The following LYG2 variants were observed in gnomAD, a reference collection of about 807,000 sequenced individuals.
LYG2 encodes lysozyme g2, also known as lysozyme g-like protein 2.
Under a neutral mutation model 22.4 loss-of-function variants are expected in LYG2, and 25 were observed. The observed-to-expected ratio is 1.12, with a 90% CI of 0.81 to 1.56. The LOEUF is 1.56. Ranked by LOEUF, LYG2 falls within the 40% of genes most tolerant of loss-of-function variation. The pLI is 0.00. For synonymous variants in LYG2, 88 were observed against 97.0 expected (o/e 0.91, Z 0.55); for missense variants, 266 against 269.5 (o/e 0.99, Z 0.09).
At chr2:99,243,781 G>C (rs2952596) in intron 6 of LYG2, 2 of 409,422 alleles carry the variant, frequency 4.9e-6, no homozygotes, top group African/African-American at 4.8e-5. Flanking sequence ...CAATGAATAA[G>C]AACCCCAACA....
chr2:99,258,952 T>C (rs896378808), upstream of LYG2, among the ~76,000 whole-genome samples: 2 of 152,058 alleles, frequency 1.3e-5, no homozygotes, highest in Admixed American at 1.3e-4. Flanking sequence ...TCATGAAAAA[T>C]TGGTAAACAT....
chr2:99,255,438 C>G (rs1282177495), intron 1 of LYG2, among the ~76,000 whole-genome samples, 165 bp downstream of exon 1: 1 of 152,126 alleles, frequency 6.6e-6, no homozygotes, highest in East Asian at 1.9e-4. Context: ...ATTAATTAAC[C>G]TAATGAACCC....
chr2:99,256,201 GTC>G (rs2094036057), upstream of LYG2, among the ~76,000 whole-genome samples: 1 of 152,168 alleles, frequency 6.6e-6, no homozygotes, highest in African/African-American at 2.4e-5. Context: ...CCAAGCTGAG[GTC>G]TGCACAGTCC....
intron 3 of LYG2, 96 bp from the exon 4 acceptor site, chr2:99,246,916 G>C: frequency 8.5e-7 from 1 of 1,181,694 alleles, no homozygotes; most frequent in Non-Finnish European, 1.2e-6. Flanking sequence ...GAAGGCCACA[G>C]ACAGAACTCC....
Position 99,246,770 on chromosome 2 carries a change from G to T in LYG2, c.94C>A (p.His32Asn). Reference sequence around the variant, plus strand: ...TAGCAGCCGTGGTACAGGCGTGGATGTAGGTGAGGCTTCATTGAGTGACTG... The same window carrying T: ...TAGCAGCCGTGGTACAGGCGTGGATTTAGGTGAGGCTTCATTGAGTGACTG... ...PFSHSMKPHLHPRLYHGCYGD... is the reference protein window; with the variant it reads ...PFSHSMKPHLNPRLYHGCYGD... Residue 32 changes from histidine (H) to asparagine (N), a missense_variant, in exon 4 of 7, where the codon CAT (histidine) becomes AAT (asparagine). Physicochemically the swap from His to Asn is moderately conservative, Grantham distance 68. Coordinates refer to ENST00000333017, the MANE Select transcript of LYG2 (RefSeq NM_175735.4). 6.2e-7 allele frequency: 1 copy of T among 1,614,128 alleles called. No individual in the cohort carries two copies. The highest frequency in any genetic ancestry group is 8.5e-7 in the Non-Finnish European group (1 of 1,179,986).
intron 4 of LYG2, among the ~76,000 whole-genome samples, 187 bp from the exon 5 acceptor site, chr2:99,245,645 A>C (rs1381255796): frequency 1.3e-5 from 2 of 152,014 alleles, no homozygotes; most frequent in African/African-American, 4.8e-5. Context: ...TAAAGTTAAA[A>C]AAAGAAAAGA....
chr2:99,256,525 T>C (rs1309804099), upstream of LYG2, among the ~76,000 whole-genome samples: 1 of 152,188 alleles, frequency 6.6e-6, no homozygotes, highest in Non-Finnish European at 1.5e-5. Context: ...TAGAGCCACT[T>C]ACCTGAGGCT....
At chr2:99,255,900 G>A (rs2094035393), upstream of LYG2, among the ~76,000 whole-genome samples, 1 of 152,140 alleles carries the variant, frequency 6.6e-6, no homozygotes, top group African/African-American at 2.4e-5. Flanking sequence ...CTTTCTTCAG[G>A]CTTATGTCCA....
intron 3 of LYG2, among the ~76,000 whole-genome samples, chr2:99,251,132 TA>T (rs1466696615): frequency 1.3e-5 from 2 of 152,210 alleles, no homozygotes; most frequent in African/African-American, 4.8e-5. Context: ...GGAACAGGGA[TA>T]GGGGATAGAC....
intron 3 of LYG2, among the ~76,000 whole-genome samples, chr2:99,251,349 A>C (rs1408817819): frequency 6.6e-6 from 1 of 152,198 alleles, no homozygotes; most frequent in African/African-American, 2.4e-5. Context: ...ATACCACTAC[A>C]TAGGAATCCA....
chr2:99,254,158 TG>T (rs1350399848), intron 3 of LYG2, 59 bp downstream of exon 3: 5 of 1,421,668 alleles, frequency 3.5e-6, no homozygotes, highest in Admixed American at 1.7e-5. Flanking sequence ...GATTCATGAT[TG>T]TGCTGGAGGT....
chr2:99,260,043 C>A (rs2105278447), upstream of LYG2, among the ~76,000 whole-genome samples: 1 of 149,382 alleles, frequency 6.7e-6, no homozygotes, highest in South Asian at 2.1e-4. Context: ...ATCACTGCAA[C>A]TTCCACCTTC....
upstream of LYG2, among the ~76,000 whole-genome samples, chr2:99,260,383 C>T (rs2081023311): frequency 6.6e-6 from 1 of 152,182 alleles, no homozygotes; most frequent in African/African-American, 2.4e-5. Flanking sequence ...TTGCAACCAT[C>T]AGCATAATCA....
intron 3 of LYG2, among the ~76,000 whole-genome samples, chr2:99,251,435 T>A (rs2094026374): frequency 6.6e-6 from 1 of 152,242 alleles, no homozygotes; most frequent in Non-Finnish European, 1.5e-5. Flanking sequence ...AATACTGTCA[T>A]ACTTATTTTG....
chr2:99,242,384 A>G lies in LYG2; in HGVS notation c.619T>C (p.Tyr207His). The G allele has an allele frequency of 6.2e-7, 1 of 1,612,560 alleles. No individual in the cohort carries two copies. Among genetic ancestry groups the G allele is most frequent in the Non-Finnish European group, 8.5e-7 (1 of 1,179,012 alleles). Residue 207 changes from tyrosine (Y) to histidine (H), a missense_variant, in exon 7 of 7, where the codon TAT becomes CAT. Transcript: ENST00000333017. ...TTTGCCTAGAAGCTTTGTCTTTTAT[A>G]GAACTTAGCTCGAGCAATGATATCA... ...VNDIIARAKFYKRQSF is the reference protein window; with the variant it reads ...VNDIIARAKFHKRQSF
the LYG2 span, among the ~76,000 whole-genome samples, chr2:99,261,376 C>T: frequency 6.6e-6 from 1 of 152,144 alleles, no homozygotes; most frequent in Non-Finnish European, 1.5e-5. Context: ...CCTCTAACTC[C>T]ACCCGCAGTT....
At chr2:99,252,592 G>A (rs1176117529) in intron 3 of LYG2, among the ~76,000 whole-genome samples, 1 of 152,168 alleles carries the variant, frequency 6.6e-6, no homozygotes, top group Non-Finnish European at 1.5e-5. Flanking sequence ...TAGTTGGATG[G>A]ATGAAGGAAT....
intron 3 of LYG2, among the ~76,000 whole-genome samples, chr2:99,249,686 A>C (rs1464062489): frequency 7.0e-6 from 1 of 142,586 alleles, no homozygotes; most frequent in Admixed American, 7.3e-5. Context: ...GCTTGAACCC[A>C]GGAGGAGGAG....
rs759392369 is a variant in LYG2 at position 99,245,351 on chromosome 2, T to A, written c.292A>T (p.Ile98Phe). The change falls in exon 5 of 7, where the codon ATC (isoleucine) becomes TTC (phenylalanine). Residue 98 changes from isoleucine (I) to phenylalanine (F), a missense_variant. Physicochemically the swap from Ile to Phe is conservative, Grantham distance 21. Transcript: ENST00000333017. ...CTTTCCCTGGAGATGATGGCTGCGATGACAGCAGGGTCCACGCAATGTCTC... is the reference window on the plus strand; with the variant it reads ...CTTTCCCTGGAGATGATGGCTGCGAAGACAGCAGGGTCCACGCAATGTCTC... ...GQRHCVDPAV[I>F]AAIISRESHG... The A allele has an allele frequency of 6.2e-7, 1 of 1,613,456 alleles. No homozygotes were observed. The highest frequency in any genetic ancestry group is 8.5e-7 in the Non-Finnish European group (1 of 1,179,676).
Sources: allele counts gnomAD v4.1 joint callset (sites outside exome capture counted in the v4.1 genomes callset), GRCh38; gene constraint gnomAD v4.1.1; transcripts MANE v1.5; gene names NCBI Gene and HGNC (gene_info 2026-07-23, HGNC 2026-07-21).